MMEL1: variants seen among roughly 807,000 people sequenced by gnomAD.
The protein encoded by MMEL1 is membrane metallo-endopeptidase-like 1.
MMEL1 carries 98 observed loss-of-function variants against 117.1 expected under a neutral mutation model. That is an observed-to-expected ratio of 0.84 (90% CI 0.71 to 0.99). MMEL1 has a LOEUF of 0.99. Ranked by LOEUF, MMEL1 falls within the 50% of genes least tolerant of loss-of-function variation. MMEL1 has a pLI of 0.00. For synonymous variants in MMEL1, 390 were observed against 415.1 expected (o/e 0.94, Z 0.74); for missense variants, 1,014 against 1,049.1 (o/e 0.97, Z 0.46).
At chr1:2,598,973 G>A (rs796883941) in intron 11 of MMEL1, among the ~76,000 whole-genome samples, 183 bp from the exon 12 acceptor site, 29 of 152,298 alleles carry the variant, frequency 1.9e-4, no homozygotes, top group African/African-American at 6.0e-4. Context: ...AAACCCAAGC[G>A]ATCATGCAGA....
chr1:2,591,706 C>A, intron 22 of MMEL1, 73 bp from the exon 23 acceptor site: 1 of 1,185,662 alleles, frequency 8.4e-7, no homozygotes. Context: ...AGGGTCTCCA[C>A]TATCCCCAGG....
chr1:2,591,778 G>T, intron 22 of MMEL1, 145 bp from the exon 23 acceptor site: 1 of 1,036,622 alleles, frequency 9.6e-7, no homozygotes, highest in Non-Finnish European at 1.5e-6. Flanking sequence ...CATCAGCATT[G>T]AAATCCTGTC....
intron 18 of MMEL1, 152 bp from the exon 19 acceptor site, chr1:2,594,085 G>A (rs949287533): frequency 9.9e-6 from 11 of 1,106,784 alleles, no homozygotes; most frequent in Middle Eastern, 2.8e-4. Flanking sequence ...ATGAAGACAC[G>A]GAGGTTCAGA....
chr1:2,613,514 A>C (rs1645160415), intron 2 of MMEL1, among the ~76,000 whole-genome samples: 1 of 152,120 alleles, frequency 6.6e-6, no homozygotes, highest in Admixed American at 6.5e-5. Context: ...CCCCCACCCT[A>C]GCCAGGAGAG....
At chr1:2,609,505 G>A in intron 5 of MMEL1, 86 bp from the exon 6 acceptor site, 1 of 1,516,058 alleles carries the variant, frequency 6.6e-7, no homozygotes, top group East Asian at 2.4e-5. Context: ...GAAGTGCTCG[G>A]CGAGAGGCGG....
intron 1 of MMEL1, among the ~76,000 whole-genome samples, chr1:2,632,334 C>A (rs1017226779): frequency 6.6e-6 from 1 of 152,174 alleles, no homozygotes; most frequent in Non-Finnish European, 1.5e-5. Context: ...TAGACTGGCA[C>A]CCCCACCCCA....
intron 23 of MMEL1, 111 bp from the exon 24 acceptor site, chr1:2,591,200 G>T: frequency 1.5e-6 from 1 of 688,140 alleles, no homozygotes; most frequent in Non-Finnish European, 2.4e-6. Flanking sequence ...AATGGCTCAT[G>T]TCAGTATGAG....
intron 2 of MMEL1, 77 bp downstream of exon 2, chr1:2,629,254 G>A: frequency 1.4e-6 from 2 of 1,421,552 alleles, no homozygotes; most frequent in Non-Finnish European, 1.9e-6. Flanking sequence ...GGGGCAGGCG[G>A]ACCCTGCAGC....
chr1:2,632,830 A>G, intron 1 of MMEL1, 36 bp downstream of exon 1: 1 of 984,582 alleles, frequency 1.0e-6, no homozygotes, highest in South Asian at 4.7e-5. Flanking sequence ...AAGGCCCAGG[A>G]AAGCAGGCCG....
At chr1:2,596,413 G>T (rs1238458831) in intron 14 of MMEL1, 148 bp downstream of exon 14, 9 of 1,164,468 alleles carry the variant, frequency 7.7e-6, no homozygotes, top group Non-Finnish European at 1.1e-5. Flanking sequence ...GGGGCATGGG[G>T]TGGGCACGGC....
chr1:2,593,798 A>T lies in MMEL1; in HGVS notation c.1867+16T>A. On this transcript the variant is annotated intron_variant, in intron 19 of 23. Coordinates refer to ENST00000378412, the MANE Select transcript of MMEL1 (RefSeq NM_033467.4). ...GAGAGGGGAGGGCGTGTGTGATTGGAGGGGCGGCCGCTCACCATTGTCGTC... is the reference window on the plus strand; with the variant it reads ...GAGAGGGGAGGGCGTGTGTGATTGGTGGGGCGGCCGCTCACCATTGTCGTC... 2 of 1,585,206 alleles carry T rather than the reference A, an allele frequency of 1.3e-6. No individual in the cohort carries two copies. Among genetic ancestry groups the T allele is most frequent in the Non-Finnish European group, 1.7e-6 (2 of 1,162,986 alleles).
In MMEL1 at chr1:2,632,851, T is replaced by C; in HGVS notation, c.-38+15A>G. On this transcript the variant is annotated intron_variant, in intron 1 of 23. Coordinates refer to ENST00000378412, the MANE Select transcript of MMEL1 (RefSeq NM_033467.4). ...CAGGAAAGCAGGCCGGGTACCTTCC[T>C]TCAGCACAACTCACCTTTGCTCACT... 1 of 985,590 alleles carries C rather than the reference T, an allele frequency of 1.0e-6. No homozygotes were observed. The highest frequency in any genetic ancestry group is 1.2e-6 in the Non-Finnish European group (1 of 829,978). 61.1% of individuals were successfully genotyped at this position (985,590 alleles called of 1,614,324 possible).
At position 2,599,772 on chromosome 1, in the gene MMEL1, G is replaced by A. The variant is rs143075089; in HGVS notation, c.1042-982C>T. Among the ~76,000 whole-genome samples the A allele has an allele frequency of 5.2e-3, 785 of 151,028 alleles. 4 individuals carry two copies. The highest frequency in any genetic ancestry group is 7.0e-3 in the Non-Finnish European group (472 of 67,872). On this transcript the variant is annotated intron_variant, in intron 11 of 23. Transcript: ENST00000378412. ...CTTGGGAGGCTGAGGCATGAGAATCGCTTGAACCTGGGAGGCAGAGGTTAT... is the reference window on the plus strand; with the variant it reads ...CTTGGGAGGCTGAGGCATGAGAATCACTTGAACCTGGGAGGCAGAGGTTAT...
At chr1:2,608,906 C>CATAT (rs111838972) in intron 6 of MMEL1, among the ~76,000 whole-genome samples, 1 of 151,666 alleles carries the variant, frequency 6.6e-6, no homozygotes, top group African/African-American at 2.4e-5. Flanking sequence ...CATGCATGAA[C>CATAT]ACATATATAC....
chr1:2,604,372 T>C, intron 9 of MMEL1, 91 bp from the exon 10 acceptor site: 2 of 1,546,046 alleles, frequency 1.3e-6, no homozygotes, highest in Non-Finnish European at 1.8e-6. Flanking sequence ...GCGTAGGACA[T>C]GGGGAAGCCC....
intron 11 of MMEL1, among the ~76,000 whole-genome samples, chr1:2,600,556 A>C (rs1223010746): frequency 6.6e-6 from 1 of 151,780 alleles, no homozygotes; most frequent in Non-Finnish European, 1.5e-5. Flanking sequence ...AAAATCAGGC[A>C]AGGCTTGGTC....
At position 2,594,720 on chromosome 1, in the gene MMEL1, G is replaced by C. The variant is rs1041358621; in HGVS notation, c.1688+70C>G. 3 of 1,351,672 alleles carry C rather than the reference G, an allele frequency of 2.2e-6. No homozygotes were observed. The Admixed American group carries it at 5.3e-5, about 24-fold the overall frequency. The allele number at this position is 1,351,672 out of a possible 1,614,324, so 83.7% of individuals were successfully genotyped here. A position where few individuals can be genotyped will look rare whatever the true frequency, so the allele number is the denominator to read the frequency against. On this transcript the variant is annotated intron_variant, in intron 17 of 23. Coordinates refer to ENST00000378412, the MANE Select transcript of MMEL1 (RefSeq NM_033467.4). ...ACGCATCCAGTCCCCCGCCTGGCAG[G>C]CAGCCCTGCACGCCTTACTGGCCAC...
intron 5 of MMEL1, 78 bp downstream of exon 5, chr1:2,609,590 GAC>G: frequency 4.5e-6 from 7 of 1,551,490 alleles, no homozygotes; most frequent in Non-Finnish European, 6.1e-6. Flanking sequence ...ACAGGGGCGA[GAC>G]ACAGCCAGGA....
rs1644798250 is a variant in MMEL1 at position 2,594,435 on chromosome 1, A to G, written c.1697T>C (p.Ile566Thr). 1.9e-6 allele frequency: 3 copies of G among 1,551,330 alleles called. No homozygotes were observed. The highest frequency in any genetic ancestry group is 2.6e-6 in the Non-Finnish European group (3 of 1,146,962). ...GAACGCATTGACCACCGCCGCCCCG[A>G]TGATCCAGCTGTGATAGACAAGCCG... ...REKVDPNLWI[I>T]GAAVVNAFYS... The change falls in exon 18 of 24, where the codon ATC becomes ACC. Residue 566 changes from isoleucine (I) to threonine (T), a missense_variant. Ile to Thr is a moderately conservative substitution (Grantham distance 89). Transcript: ENST00000378412.
Sources: gnomAD v4.1 joint callset for allele counts (sites outside exome capture counted in the v4.1 genomes callset) on GRCh38, gnomAD v4.1.1 for gene constraint, MANE v1.5 for transcripts, NCBI Gene and HGNC (gene_info 2026-07-23, HGNC 2026-07-21) for gene names.